REDIC1: variants seen among roughly 807,000 people sequenced by gnomAD.
REDIC1 encodes the protein HEI10 Interacting Protein 1.
chr12:39,879,383 T>C, the REDIC1 span, among the ~76,000 whole-genome samples: 3,236 of 152,264 alleles, frequency 0.021, 97 homozygotes, highest in African/African-American at 0.07. Context: ...GGAAAAGCCA[T>C]AGGCATTCAA....
chr12:39,744,199 T>A, the REDIC1 span, among the ~76,000 whole-genome samples: 1 of 152,194 alleles, frequency 6.6e-6, no homozygotes, highest in Admixed American at 6.5e-5. Context: ...TTAAATAAAA[T>A]CCAACAATCT....
chr12:39,721,483 T>C, the REDIC1 span: 1 of 415,194 alleles, frequency 2.4e-6, no homozygotes, highest in African/African-American at 2.1e-5. Flanking sequence ...TGGTAGAGTT[T>C]TTAGAAAATA....
the REDIC1 span, among the ~76,000 whole-genome samples, chr12:39,852,157 T>C: frequency 6.6e-6 from 1 of 152,324 alleles, no homozygotes; most frequent in East Asian, 1.9e-4. Flanking sequence ...ATAAAATAAC[T>C]AGCATGGTAA....
At chr12:39,727,402 T>G in the REDIC1 span, among the ~76,000 whole-genome samples, 1 of 152,172 alleles carries the variant, frequency 6.6e-6, no homozygotes, top group Non-Finnish European at 1.5e-5. Context: ...ATTTATTCAA[T>G]AGGGAGTCCT....
the REDIC1 span, among the ~76,000 whole-genome samples, chr12:39,905,210 G>T: frequency 6.6e-6 from 1 of 152,112 alleles, no homozygotes; most frequent in Non-Finnish European, 1.5e-5. Context: ...CTGTACTAAA[G>T]AAAAGTGATG....
chr12:39,862,051 C>A, the REDIC1 span, among the ~76,000 whole-genome samples: 7 of 152,156 alleles, frequency 4.6e-5, no homozygotes, highest in African/African-American at 7.2e-5. Flanking sequence ...CCCTAACAGG[C>A]GCCAGTGTGT....
the REDIC1 span, among the ~76,000 whole-genome samples, chr12:39,664,038 T>G: frequency 6.6e-6 from 1 of 152,048 alleles, no homozygotes; most frequent in African/African-American, 2.4e-5. Context: ...CACTTACATA[T>G]GACAACTTCT....
chr12:39,734,824 C>A, the REDIC1 span, among the ~76,000 whole-genome samples: 1 of 152,152 alleles, frequency 6.6e-6, no homozygotes, highest in Non-Finnish European at 1.5e-5. Flanking sequence ...TGGTTGCTTG[C>A]ATTTCCATAG....
chr12:39,787,474 G>A, the REDIC1 span, among the ~76,000 whole-genome samples: 1 of 152,084 alleles, frequency 6.6e-6, no homozygotes, highest in Non-Finnish European at 1.5e-5. Flanking sequence ...CCTTTATCGG[G>A]ATTTCTAGGA....
At chr12:39,883,690 G>A in the REDIC1 span, among the ~76,000 whole-genome samples, 1 of 152,166 alleles carries the variant, frequency 6.6e-6, no homozygotes, top group Non-Finnish European at 1.5e-5. Context: ...TCACTTGTAA[G>A]TAAAACTTTG....
At chr12:39,630,301 T>C in the REDIC1 span, among the ~76,000 whole-genome samples, 1 of 152,330 alleles carries the variant, frequency 6.6e-6, no homozygotes, top group East Asian at 1.9e-4. Flanking sequence ...TCTATAAATA[T>C]ACCACTATAC....
chr12:39,864,909 A>G, the REDIC1 span: 1 of 1,596,348 alleles, frequency 6.3e-7, no homozygotes, highest in East Asian at 2.2e-5. Context: ...TTTATATTAG[A>G]GAAGAGTTGA....
the REDIC1 span, among the ~76,000 whole-genome samples, chr12:39,827,049 A>G: frequency 1.1e-4 from 16 of 151,134 alleles, no homozygotes; most frequent in Non-Finnish European, 1.9e-4. Flanking sequence ...CACCAGCCTG[A>G]TACTCTCTGA....
At chr12:39,758,446 A>G in the REDIC1 span, 62 of 152,028 alleles carry the variant, frequency 4.1e-4, no homozygotes, top group African/African-American at 1.4e-3. Flanking sequence ...ACCTTATTAG[A>G]TGTTTAGAGC....
chr12:39,835,858 T>A, the REDIC1 span: 1 of 152,108 alleles, frequency 6.6e-6, no homozygotes, highest in Non-Finnish European at 1.5e-5. Flanking sequence ...TTGACGTAAA[T>A]ATATTAGTCA....
chr12:39,674,964 G>A, the REDIC1 span, among the ~76,000 whole-genome samples: 7,183 of 152,270 alleles, frequency 0.047, 594 homozygotes, highest in African/African-American at 0.17. Flanking sequence ...CAACAGTGTG[G>A]GTAGACAGGG....
chr12:39,845,016 G>C, the REDIC1 span, among the ~76,000 whole-genome samples: 2 of 151,644 alleles, frequency 1.3e-5, no homozygotes, highest in Non-Finnish European at 2.9e-5. Flanking sequence ...ACTTGATAAA[G>C]TTAAAAATAA....
the REDIC1 span, among the ~76,000 whole-genome samples, chr12:39,648,857 C>A: frequency 6.6e-6 from 1 of 150,592 alleles, no homozygotes; most frequent in Non-Finnish European, 1.5e-5. Context: ...TATATAATTC[C>A]ATTTTATTAA....
the REDIC1 span, among the ~76,000 whole-genome samples, chr12:39,728,259 G>T: frequency 1.3e-5 from 2 of 152,134 alleles, no homozygotes; most frequent in African/African-American, 2.4e-5. Context: ...TGCCCATTCA[G>T]TATGATATTG....
Sources: allele counts gnomAD v4.1 joint callset (sites outside exome capture counted in the v4.1 genomes callset), GRCh38; gene constraint gnomAD v4.1.1; transcripts MANE v1.5; gene names NCBI Gene and HGNC (gene_info 2026-07-23, HGNC 2026-07-21).